Variants in PDE3A observed in about 807,000 individuals in gnomAD.
PDE3A encodes phosphodiesterase 3A.
PDE3A carries 43 observed loss-of-function variants against 98.3 expected under a neutral mutation model. The ratio of observed to expected loss-of-function variants is 0.44; its 90% CI spans 0.34 to 0.56. The LOEUF is 0.56. Among genes scored for constraint, PDE3A ranks in the 20% least tolerant of loss-of-function variants. PDE3A has a pLI of 0.01. For synonymous variants in PDE3A, 663 were observed against 567.9 expected, an observed-to-expected ratio of 1.17 and a Z score of -2.38; for missense variants, 1,427 against 1,440.7, an observed-to-expected ratio of 0.99 and a Z score of 0.15.
intron 15 of PDE3A, among the ~76,000 whole-genome samples, chr12:20,674,191 T>C (rs1490986263): frequency 6.6e-6 from 1 of 152,206 alleles, no homozygotes; most frequent in East Asian, 1.9e-4. Context: ...TTACTCAATT[T>C]ATTTATCAGA....
At chr12:20,502,053 TA>T (rs1946034800) in intron 1 of PDE3A, among the ~76,000 whole-genome samples, 1 of 152,176 alleles carries the variant, frequency 6.6e-6, no homozygotes. Flanking sequence ...AGAGTAATAT[TA>T]ATCCAAAAGA....
In PDE3A at chr12:20,512,272, G is replaced by A. The variant is rs367938095; in HGVS notation, c.961-44388G>A. 1.5e-3 allele frequency among the ~76,000 whole-genome samples: 224 copies of A among 152,142 alleles called. 2 individuals carry two copies. Among genetic ancestry groups the A allele is most frequent in the African/African-American group, 5.3e-3 (220 of 41,528 alleles). ...GAAGGGGGCTAGTGGAGGGGGCACA[G>A]TATAAGAGACTATGCTATCTTCAAA... On this transcript the variant is annotated intron_variant, in intron 1 of 15. Coordinates refer to ENST00000359062, the MANE Select transcript of PDE3A (RefSeq NM_000921.5).
Position 20,484,064 on chromosome 12 carries a change from C to A in PDE3A, c.961-72596C>A, listed in dbSNP as rs561864868. On this transcript the variant is annotated intron_variant, in intron 1 of 15. Coordinates refer to ENST00000359062, the MANE Select transcript of PDE3A (RefSeq NM_000921.5). The stretch of plus-strand genomic sequence containing the variant: ...TTGTTTTTTCTTTAAATTTTGCCTT[C>A]TTTCTGGAGTATTTTCAAAAATCTC... 3.8e-4 allele frequency among the ~76,000 whole-genome samples: 58 copies of A among 152,096 alleles called. No individual in the cohort carries two copies. The South Asian group carries it at 0.012, about 30-fold the overall frequency.
intron 1 of PDE3A, among the ~76,000 whole-genome samples, chr12:20,520,187 C>A (rs1946396823): frequency 6.6e-6 from 1 of 152,038 alleles, no homozygotes. Context: ...AGAGAAGCAA[C>A]TGAAGTGCTG....
At chr12:20,500,768 C>CTTTTTTT (rs61218707) in intron 1 of PDE3A, among the ~76,000 whole-genome samples, 2 of 133,366 alleles carry the variant, frequency 1.5e-5, no homozygotes. Flanking sequence ...TTCTTTCTTT[C>CTTTTTTT]TTTTTTTTTT....
intron 1 of PDE3A, among the ~76,000 whole-genome samples, chr12:20,522,428 A>G (rs533125742): frequency 3.9e-5 from 6 of 152,338 alleles, no homozygotes; most frequent in African/African-American, 1.2e-4. Context: ...AAGTTTGAGA[A>G]CTACTGCAAA....
chr12:20,579,816 T>G (rs1364980280), intron 2 of PDE3A, among the ~76,000 whole-genome samples: 1 of 152,300 alleles, frequency 6.6e-6, no homozygotes, highest in Non-Finnish European at 1.5e-5. Flanking sequence ...TCAAAGGTTC[T>G]TAGGCTCAAT....
At chr12:20,479,079 T>C (rs1945579248) in intron 1 of PDE3A, among the ~76,000 whole-genome samples, 1 of 152,194 alleles carries the variant, frequency 6.6e-6, no homozygotes, top group Non-Finnish European at 1.5e-5. Context: ...TGACAGTTAG[T>C]TTGGAATTCA....
At position 20,678,416 on chromosome 12, in the gene PDE3A, A is replaced by T. The variant is rs997394263; in HGVS notation, c.3185-1614A>T. 2.6e-5 allele frequency among the ~76,000 whole-genome samples: 4 copies of T among 152,320 alleles called. No homozygotes were observed. The South Asian group carries it at 8.3e-4, about 32-fold the overall frequency. On this transcript the variant is annotated intron_variant, in intron 15 of 15. Transcript: ENST00000359062. ...GAGCAGGCAAGTACCAGATGCCTCT[A>T]GCCTACCGTCTTGAAGACACCCTCC...
At chr12:20,589,047 C>T (rs911229891) in intron 2 of PDE3A, among the ~76,000 whole-genome samples, 7 of 152,022 alleles carry the variant, frequency 4.6e-5, no homozygotes, top group African/African-American at 1.7e-4. Context: ...CTCAGCCTCC[C>T]GAGTAGCTGG....
intron 2 of PDE3A, among the ~76,000 whole-genome samples, chr12:20,609,352 A>G (rs570248618): frequency 6.6e-6 from 1 of 152,190 alleles, no homozygotes; most frequent in African/African-American, 2.4e-5. Flanking sequence ...GATAAATTTA[A>G]CCAAGGAGGT....
intron 1 of PDE3A, among the ~76,000 whole-genome samples, chr12:20,466,149 A>G (rs1227507840): frequency 6.6e-6 from 1 of 152,144 alleles, no homozygotes. Context: ...TGTCCAGTAC[A>G]CTGAACCGTG....
intron 1 of PDE3A, among the ~76,000 whole-genome samples, chr12:20,440,764 T>C (rs1644921308): frequency 6.6e-6 from 1 of 152,174 alleles, no homozygotes; most frequent in African/African-American, 2.4e-5. Flanking sequence ...AAGAGTGTGA[T>C]CTAACTCATT....
rs1356022945 is a variant in PDE3A, at chr12:20,369,400, G to A, written c.116G>A (p.Arg39Gln). ...CATCGTGCGGACCCCGCATCGCCGC[G>A]GGACTCGGGCTGCCGTGGCTGCTGG... ...CHHRADPASP[R>Q]DSGCRGCWGD... The change falls in exon 1 of 16, where the codon CGG becomes CAG. Residue 39 changes from arginine to glutamine, a missense_variant. Arg to Gln is a conservative substitution (Grantham distance 43). This residue lies in a region of PDE3A where 1,012 missense variants were observed against 886.5 expected (regional missense o/e 1.14). Transcript: ENST00000359062. 1.3e-6 allele frequency: 2 copies of A among 1,552,490 alleles called. No individual in the cohort carries two copies. The highest frequency in any genetic ancestry group is 2.7e-5 in the African/African-American group (2 of 73,174).
intron 1 of PDE3A, among the ~76,000 whole-genome samples, chr12:20,527,080 G>A (rs553199545): frequency 3.3e-5 from 5 of 151,956 alleles, no homozygotes; most frequent in South Asian, 4.2e-4. Context: ...TGCCATGCCC[G>A]GCTGATTTTT....
chr12:20,614,578 G>A (rs1456377515), intron 3 of PDE3A, among the ~76,000 whole-genome samples: 3 of 152,088 alleles, frequency 2.0e-5, no homozygotes, highest in Non-Finnish European at 2.9e-5. Context: ...CCCTGATAAA[G>A]ATATACCTAA....
chr12:20,493,706 C>T (rs1381360923), intron 1 of PDE3A, among the ~76,000 whole-genome samples: 3 of 152,188 alleles, frequency 2.0e-5, no homozygotes, highest in African/African-American at 7.2e-5. Flanking sequence ...CCTAAGCTCA[C>T]CGCAGCCTCC....
At chr12:20,453,757 T>G (rs1945108195) in intron 1 of PDE3A, among the ~76,000 whole-genome samples, 1 of 152,204 alleles carries the variant, frequency 6.6e-6, no homozygotes, top group African/African-American at 2.4e-5. Context: ...TCTCCCTTCC[T>G]GGCTCTGTTT....
rs571649548 is a variant in PDE3A, at chr12:20,531,868, T to G, written c.961-24792T>G. Among the ~76,000 whole-genome samples the G allele has an allele frequency of 2.0e-5, 3 of 152,302 alleles. No individual in the cohort carries two copies. In the East Asian group the frequency reaches 5.8e-4, roughly 29 times the overall value. On this transcript the variant is annotated intron_variant, in intron 1 of 15. Transcript: ENST00000359062. The stretch of plus-strand genomic sequence containing the variant: ...AGGATTTATTTTATGTTGAAAATTC[T>G]GACTTATTTTTAAATTGTTTATTCC...
Sources: gnomAD v4.1 joint callset for allele counts (sites outside exome capture counted in the v4.1 genomes callset) on GRCh38, gnomAD v4.1.1 for gene constraint, gnomAD v4.1.1 regional missense constraint, MANE v1.5 for transcripts, NCBI Gene and HGNC (gene_info 2026-07-23, HGNC 2026-07-21) for gene names.